The following RIN3 variants were observed in gnomAD, a reference collection of about 807,000 sequenced individuals.
RIN3 encodes the protein RAB5 interacting protein 3.
Under a neutral mutation model 76.3 loss-of-function variants are expected in RIN3, and 54 were observed. That is an observed-to-expected ratio of 0.71 (90% CI 0.57 to 0.89). RIN3 has a LOEUF of 0.89. Among genes scored for constraint, RIN3 ranks in the 40% least tolerant of loss-of-function variants. RIN3 has a pLI of 0.00. For missense variants in RIN3, 1,256 were observed against 1,322.1 expected, an observed-to-expected ratio of 0.95 and a Z score of 0.78; for synonymous variants, 576 against 564.0, an observed-to-expected ratio of 1.02 and a Z score of -0.30.
Position 92,681,255 on chromosome 14 carries a change from C to T in RIN3, c.2468-3732C>T, listed in dbSNP as rs1888651376. On this transcript the variant is annotated intron_variant, in intron 8 of 9. Transcript: ENST00000216487. This position sits in a 1 kb window ranked among gnomAD's most constrained non-coding sequence, Gnocchi z 4.7. ...GGTAGGGCCGCCTGCCACCTAGTGG[C>T]CCTGGCAGGCATTTCATGGCCCCAA... Among the ~76,000 whole-genome samples, 1 of 152,144 alleles carries T rather than the reference C, an allele frequency of 6.6e-6. No individual in the cohort carries two copies. The highest frequency in any genetic ancestry group is 1.5e-5 in the Non-Finnish European group (1 of 68,022).
At chr14:92,566,442 TG>T (rs1897917934) in intron 2 of RIN3, among the ~76,000 whole-genome samples, 2 of 152,178 alleles carry the variant, frequency 1.3e-5, no homozygotes, top group South Asian at 4.1e-4. Context: ...TTGTTCCAAA[TG>T]CTTTATTGAC....
intron 3 of RIN3, among the ~76,000 whole-genome samples, chr14:92,604,883 C>G (rs1032326954): frequency 6.9e-6 from 1 of 145,056 alleles, no homozygotes; most frequent in Admixed American, 6.8e-5. Flanking sequence ...TTGAGGCTTC[C>G]TGTCAATTTC....
chr14:92,672,705 A>T (rs1042171598), intron 7 of RIN3, among the ~76,000 whole-genome samples: 4 of 151,898 alleles, frequency 2.6e-5, no homozygotes, highest in Admixed American at 6.6e-5. Flanking sequence ...CATAATTTTT[A>T]AAATGATTCA....
chr14:92,592,110 A>C (rs1278416829), intron 3 of RIN3, among the ~76,000 whole-genome samples: 1 of 152,136 alleles, frequency 6.6e-6, no homozygotes, highest in Non-Finnish European at 1.5e-5. Flanking sequence ...TGTTATTAGA[A>C]GGTACAGTTG....
At chr14:92,660,697 G>A (rs191379373) in intron 7 of RIN3, among the ~76,000 whole-genome samples, 1 of 152,338 alleles carries the variant, frequency 6.6e-6, no homozygotes, top group East Asian at 1.9e-4. Flanking sequence ...CAGACTCAAG[G>A]AGTGAGGAAC....
intron 2 of RIN3, among the ~76,000 whole-genome samples, chr14:92,574,436 C>T (rs941311101): frequency 6.6e-6 from 1 of 152,202 alleles, no homozygotes; most frequent in Non-Finnish European, 1.5e-5. Context: ...ATGAAGCCTC[C>T]ATGTTAAACA....
intron 6 of RIN3, among the ~76,000 whole-genome samples, chr14:92,655,255 C>T (rs562085423): frequency 2.0e-5 from 3 of 149,594 alleles, no homozygotes; most frequent in African/African-American, 7.4e-5. Context: ...GGCTGAGGCA[C>T]AAGAATTGCT....
intron 3 of RIN3, among the ~76,000 whole-genome samples, chr14:92,610,815 G>T (rs1391580664): frequency 6.6e-6 from 1 of 152,158 alleles, no homozygotes; most frequent in Non-Finnish European, 1.5e-5. Context: ...AGGAGCAATA[G>T]GAAATGAGAC....
chr14:92,593,021 A>C (rs946667062), intron 3 of RIN3, among the ~76,000 whole-genome samples: 5 of 152,002 alleles, frequency 3.3e-5, no homozygotes, highest in African/African-American at 1.2e-4. Flanking sequence ...TGGTTGGTTG[A>C]ATCTACATGT....
intron 4 of RIN3, among the ~76,000 whole-genome samples, chr14:92,622,388 C>CTT (rs1196521602): frequency 6.6e-6 from 1 of 152,168 alleles, no homozygotes; most frequent in African/African-American, 2.4e-5. Context: ...TAATCCCTGA[C>CTT]TTTTAGCATC....
In RIN3 at chr14:92,651,852, CCA is replaced by C. The variant is rs1474084112; in HGVS notation, c.805_806del (p.Thr269LeufsTer154). On this transcript the variant is annotated frameshift_variant, in exon 6 of 10. Coordinates refer to ENST00000216487, the MANE Select transcript of RIN3 (RefSeq NM_024832.5). LOFTEE classifies it high-confidence loss of function. ...CGCCCTTTGCCGCCCACCTCTGATG[CCA>C]CCTCACCCACCTCCAGGTGGGCCCC... The C allele has an allele frequency of 1.2e-6, 2 of 1,610,146 alleles. No homozygotes were observed. The highest frequency in any genetic ancestry group is 1.7e-6 in the Non-Finnish European group (2 of 1,177,612).
chr14:92,660,296 G>A (rs1456667318), intron 7 of RIN3, among the ~76,000 whole-genome samples: 2 of 152,058 alleles, frequency 1.3e-5, no homozygotes, highest in African/African-American at 4.8e-5. Context: ...AGGCCAGATA[G>A]TCTGGGATGG....
chr14:92,670,539 T>C, intron 7 of RIN3, among the ~76,000 whole-genome samples: 1 of 152,228 alleles, frequency 6.6e-6, no homozygotes, highest in East Asian at 1.9e-4. Context: ...GCCAAAATGT[T>C]GGGCTGGGAC....
intron 1 of RIN3, among the ~76,000 whole-genome samples, chr14:92,550,051 C>T (rs536500239): frequency 2.6e-4 from 40 of 152,280 alleles, no homozygotes; most frequent in Admixed American, 5.2e-4. Context: ...GGCTTAGCGA[C>T]GGTTCCTGGC....
At chr14:92,582,841 C>T (rs1284268184) in intron 3 of RIN3, among the ~76,000 whole-genome samples, 2 of 152,168 alleles carry the variant, frequency 1.3e-5, no homozygotes, top group Non-Finnish European at 2.9e-5. Flanking sequence ...ATTAAGAAAG[C>T]AGCAGGTAAC....
intron 4 of RIN3, among the ~76,000 whole-genome samples, chr14:92,635,993 C>G (rs1209512457): frequency 6.6e-6 from 1 of 152,090 alleles, no homozygotes; most frequent in African/African-American, 2.4e-5. Context: ...AAGCCTGAAC[C>G]CTCCATTCAG....
intron 2 of RIN3, among the ~76,000 whole-genome samples, chr14:92,561,421 A>G (rs1416657486): frequency 6.6e-6 from 1 of 151,084 alleles, no homozygotes; most frequent in East Asian, 1.9e-4. Context: ...ATATTGGCCC[A>G]TTTGTTCATT....
chr14:92,685,268 A>AG lies in RIN3; in HGVS notation c.2631+122dup, dbSNP rs3215729. 3.5e-6 allele frequency: 4 copies of AG among 1,138,032 alleles called. No individual in the cohort carries two copies. The South Asian group carries it at 6.2e-5, about 18-fold the overall frequency. 70.5% of individuals were successfully genotyped at this position (1,138,032 alleles called of 1,614,324 possible). On this transcript the variant is annotated intron_variant, in intron 9 of 9. Coordinates refer to ENST00000216487, the MANE Select transcript of RIN3 (RefSeq NM_024832.5). The surrounding 1 kb of genome is among the most constrained non-coding windows in gnomAD (Gnocchi z 4.7). Reference sequence around the variant, plus strand: ...TGCTCCAGCCGCCCAGCCCTGCCTTAGGGGAGCAGTGAGACTCCCCACACC... The same window carrying AG: ...TGCTCCAGCCGCCCAGCCCTGCCTTAGGGGGAGCAGTGAGACTCCCCACACC...
At chr14:92,630,878 G>T (rs909134329) in intron 4 of RIN3, among the ~76,000 whole-genome samples, 1 of 152,190 alleles carries the variant, frequency 6.6e-6, no homozygotes, top group Non-Finnish European at 1.5e-5. Flanking sequence ...CAAGTCACCT[G>T]ACCTCTCCTG....
Sources: gnomAD v4.1 joint callset for allele counts (sites outside exome capture counted in the v4.1 genomes callset) on GRCh38, gnomAD v4.1.1 for gene constraint, Gnocchi (gnomAD v3.1) non-coding constraint, MANE v1.5 for transcripts, NCBI Gene and HGNC (gene_info 2026-07-23, HGNC 2026-07-21) for gene names.